The following CAMK1D variants were observed in gnomAD, a reference collection of about 807,000 sequenced individuals.
CAMK1D encodes calcium/calmodulin dependent protein kinase ID, also known as calcium/calmodulin-dependent protein kinase type 1D.
Under a neutral mutation model 47.7 loss-of-function variants are expected in CAMK1D, and 9 were observed. The ratio of observed to expected loss-of-function variants is 0.19; its 90% CI spans 0.11 to 0.33. The LOEUF (loss-of-function observed/expected upper bound fraction) is 0.33, where lower values mean the gene tolerates loss of function less well. CAMK1D is among the 10% of genes least tolerant of loss of function. CAMK1D has a pLI of 1.00. For synonymous variants in CAMK1D, 184 were observed against 184.9 expected, an observed-to-expected ratio of 0.99 and a Z score of 0.04; for missense variants, 291 against 488.7, an observed-to-expected ratio of 0.60 and a Z score of 3.81.
At chr10:12,418,271 C>T (rs1014469132) in intron 1 of CAMK1D, among the ~76,000 whole-genome samples, 1 of 152,128 alleles carries the variant, frequency 6.6e-6, no homozygotes, top group Non-Finnish European at 1.5e-5. Context: ...CGCGGCCATG[C>T]CTTGTGAAAG....
At chr10:12,746,594 C>T (rs1376683050) in intron 3 of CAMK1D, among the ~76,000 whole-genome samples, 2 of 152,182 alleles carry the variant, frequency 1.3e-5, no homozygotes, top group African/African-American at 2.4e-5. Context: ...CCTGACCTTG[C>T]CGTCTCTCCT....
intron 3 of CAMK1D, among the ~76,000 whole-genome samples, chr10:12,734,487 T>C (rs1348154245): frequency 7.3e-6 from 1 of 136,556 alleles, no homozygotes; most frequent in African/African-American, 2.8e-5. Flanking sequence ...TATATACACA[T>C]ATGTATATAT....
At chr10:12,464,197 C>G (rs77048317) in intron 1 of CAMK1D, among the ~76,000 whole-genome samples, 2,456 of 152,180 alleles carry the variant, frequency 0.016, 67 homozygotes, top group African/African-American at 0.055. Flanking sequence ...CTCTTTGTCC[C>G]GTGGTTGTTG....
intron 1 of CAMK1D, among the ~76,000 whole-genome samples, chr10:12,354,625 C>T (rs552421710): frequency 1.4e-4 from 21 of 151,694 alleles, no homozygotes; most frequent in Non-Finnish European, 2.2e-4. Context: ...TTGGCCAAGA[C>T]GGTCTCGATC....
At chr10:12,567,772 C>A (rs941089525) in intron 2 of CAMK1D, among the ~76,000 whole-genome samples, 2 of 152,122 alleles carry the variant, frequency 1.3e-5, no homozygotes, top group African/African-American at 4.8e-5. Context: ...AGGACCTCTT[C>A]CAGGGCAAAG....
At chr10:12,599,121 A>G (rs1675331626) in intron 2 of CAMK1D, among the ~76,000 whole-genome samples, 2 of 152,336 alleles carry the variant, frequency 1.3e-5, no homozygotes, top group South Asian at 4.1e-4. Flanking sequence ...TAACTCGCAT[A>G]TAATGATCAT....
At chr10:12,751,206 C>T (rs1588885664) in intron 3 of CAMK1D, among the ~76,000 whole-genome samples, 2 of 152,202 alleles carry the variant, frequency 1.3e-5, no homozygotes, top group African/African-American at 4.8e-5. Context: ...TCACCATACC[C>T]AGCCAGACCA....
At chr10:12,537,934 AT>A (rs1319466577) in intron 1 of CAMK1D, among the ~76,000 whole-genome samples, 1 of 152,130 alleles carries the variant, frequency 6.6e-6, no homozygotes, top group Non-Finnish European at 1.5e-5. Context: ...AGGAACCCAG[AT>A]TATCTTTCTA....
At chr10:12,479,942 C>G (rs1834014177) in intron 1 of CAMK1D, among the ~76,000 whole-genome samples, 1 of 152,108 alleles carries the variant, frequency 6.6e-6, no homozygotes, top group Non-Finnish European at 1.5e-5. Context: ...TGCTTTCTGC[C>G]CCCCCAAATG....
chr10:12,746,363 CAAAA>C (rs542434085), intron 3 of CAMK1D, among the ~76,000 whole-genome samples: 1 of 86,824 alleles, frequency 1.2e-5, no homozygotes. Flanking sequence ...GACTCCGTCT[CAAAA>C]AAAAAAAAAA....
chr10:12,377,530 C>G (rs546810413), intron 1 of CAMK1D, among the ~76,000 whole-genome samples: 66 of 152,286 alleles, frequency 4.3e-4, no homozygotes, highest in Non-Finnish European at 7.9e-4. Context: ...TCTGCTCGCA[C>G]TAAAATAATG....
intron 2 of CAMK1D, among the ~76,000 whole-genome samples, chr10:12,556,676 G>A (rs188941252): frequency 2.0e-5 from 3 of 152,318 alleles, no homozygotes; most frequent in African/African-American, 2.4e-5. Context: ...ACCTAAGGTT[G>A]GAGAGGTGGG....
chr10:12,559,642 T>G (rs1323020326), intron 2 of CAMK1D, among the ~76,000 whole-genome samples: 1 of 152,108 alleles, frequency 6.6e-6, no homozygotes, highest in Non-Finnish European at 1.5e-5. Flanking sequence ...GAGCTGAGTT[T>G]TGTTTTGAGA....
chr10:12,513,487 A>G (rs1380924304), intron 1 of CAMK1D, among the ~76,000 whole-genome samples: 2 of 152,104 alleles, frequency 1.3e-5, no homozygotes, highest in East Asian at 1.9e-4. Flanking sequence ...CTTTGACTTT[A>G]TAAAAAGTAC....
At chr10:12,555,660 C>T (rs938098293) in intron 2 of CAMK1D, among the ~76,000 whole-genome samples, 1 of 152,178 alleles carries the variant, frequency 6.6e-6, no homozygotes, top group Admixed American at 6.5e-5. Flanking sequence ...CATTAAGTTG[C>T]AGACACATTA....
chr10:12,579,997 G>A (rs1837613475), intron 2 of CAMK1D, among the ~76,000 whole-genome samples: 1 of 152,192 alleles, frequency 6.6e-6, no homozygotes, highest in African/African-American at 2.4e-5. Context: ...CTTTAGGAGA[G>A]TGTCTGCTCT....
intron 3 of CAMK1D, chr10:12,667,069 G>T (rs966193059): frequency 7.7e-6 from 3 of 390,112 alleles, no homozygotes; most frequent in Non-Finnish European, 1.4e-5. Context: ...TGACCTTCCT[G>T]TTGCAGGGTG....
At chr10:12,434,538 G>A (rs940426713) in intron 1 of CAMK1D, among the ~76,000 whole-genome samples, 8 of 152,218 alleles carry the variant, frequency 5.3e-5, no homozygotes, top group Non-Finnish European at 1.0e-4. Context: ...CAAGCTGTGA[G>A]CTCTCTCATT....
At chr10:12,597,165 G>T (rs983632839) in intron 2 of CAMK1D, among the ~76,000 whole-genome samples, 2 of 152,068 alleles carry the variant, frequency 1.3e-5, no homozygotes, top group Non-Finnish European at 2.9e-5. Context: ...TAAGCAGTTG[G>T]AGGTGCAGTA....
Sources: allele counts gnomAD v4.1 joint callset (sites outside exome capture counted in the v4.1 genomes callset), GRCh38; gene constraint gnomAD v4.1.1; transcripts MANE v1.5; gene names NCBI Gene and HGNC (gene_info 2026-07-23, HGNC 2026-07-21).